The following SNPH variants were observed in gnomAD, a reference collection of about 807,000 sequenced individuals.
The protein encoded by SNPH is syntaphilin.
Under a neutral mutation model 36.8 loss-of-function variants are expected in SNPH, and 10 were observed. The ratio of observed to expected loss-of-function variants is 0.27; its 90% CI spans 0.17 to 0.46. SNPH has a LOEUF of 0.46. SNPH is among the 20% of genes least tolerant of loss of function. SNPH has a pLI of 1.00. For synonymous variants in SNPH, 281 were observed against 312.2 expected (o/e 0.90, Z 1.05); for missense variants, 622 against 744.0 (o/e 0.84, Z 1.91).
At chr20:1,281,145 C>T (rs879795693) in intron 2 of SNPH, among the ~76,000 whole-genome samples, 1 of 152,216 alleles carries the variant, frequency 6.6e-6, no homozygotes, top group Middle Eastern at 3.2e-3. Context: ...CAATTCTTCC[C>T]TTTCCGTCAT....
In SNPH at chr20:1,306,127, C is replaced by T. The variant is rs1164355874; in HGVS notation, c.*73C>T. The T allele has an allele frequency of 6.0e-6, 7 of 1,174,466 alleles. No individual in the cohort carries two copies. Among genetic ancestry groups the T allele is most frequent in the Non-Finnish European group, 7.9e-6 (7 of 880,930 alleles). 72.8% of individuals were successfully genotyped at this position (1,174,466 alleles called of 1,614,324 possible). On this transcript the variant is annotated 3_prime_UTR_variant, in exon 7 of 7. Transcript: ENST00000381867. ...GGGATGCCGTTCCCCCCTCCCTTCT[C>T]CCATGGGCATCATCTTATTTATTTA...
rs1327432021 is a variant in SNPH at position 1,266,831 on chromosome 20, C to G, written c.-493+71C>G. On this transcript the variant is annotated intron_variant, in intron 2 of 6. Coordinates refer to ENST00000381867, the MANE Select transcript of SNPH (RefSeq NM_001318234.2). This position sits in a 1 kb window ranked among gnomAD's most constrained non-coding sequence, Gnocchi z 6.0. ...GCGGCAGGTGGGGGCCGCTTGCAAC[C>G]GCTCGCTGCGGTAGAATCCCTTGGA... The G allele has an allele frequency of 1.2e-5, 16 of 1,303,410 alleles. No homozygotes were observed. The highest frequency in any genetic ancestry group is 1.5e-5 in the Non-Finnish European group (15 of 1,026,396). 80.7% of individuals were successfully genotyped at this position (1,303,410 alleles called of 1,614,324 possible).
At chr20:1,288,856 A>G (rs1309430521) in intron 2 of SNPH, among the ~76,000 whole-genome samples, 1 of 152,040 alleles carries the variant, frequency 6.6e-6, no homozygotes, top group Non-Finnish European at 1.5e-5. Context: ...TCCTGACCTC[A>G]GGTGATCCGC....
chr20:1,284,258 G>A (rs544266268), intron 2 of SNPH, among the ~76,000 whole-genome samples: 40 of 152,278 alleles, frequency 2.6e-4, no homozygotes, highest in Middle Eastern at 3.4e-3. Flanking sequence ...GTACCACAAA[G>A]CTTTCTTCCC....
intron 2 of SNPH, among the ~76,000 whole-genome samples, chr20:1,268,550 C>T (rs2088034828): frequency 6.6e-6 from 1 of 152,140 alleles, no homozygotes; most frequent in African/African-American, 2.4e-5. Context: ...GGAGGTTCTC[C>T]ATAGGGTTGG....
intron 2 of SNPH, among the ~76,000 whole-genome samples, chr20:1,270,780 C>T (rs2088063940): frequency 6.6e-6 from 1 of 152,340 alleles, no homozygotes; most frequent in East Asian, 1.9e-4. Flanking sequence ...AGGCATCCCA[C>T]CTGTCTGGAG....
intron 2 of SNPH, among the ~76,000 whole-genome samples, chr20:1,279,972 G>C (rs1445252615): frequency 2.0e-5 from 3 of 152,192 alleles, no homozygotes; most frequent in Non-Finnish European, 4.4e-5. Context: ...CAGCAAGGGC[G>C]AGGAGCGTGT....
chr20:1,297,324 G>A, intron 5 of SNPH, 72 bp downstream of exon 5: 2 of 1,477,344 alleles, frequency 1.4e-6, no homozygotes, highest in South Asian at 1.2e-5. Flanking sequence ...GGAGAGGTAA[G>A]GGAGCAGGGT....
intron 2 of SNPH, among the ~76,000 whole-genome samples, chr20:1,277,840 T>C (rs565041953): frequency 4.6e-4 from 68 of 147,930 alleles, no homozygotes; most frequent in Admixed American, 9.4e-4. Context: ...TCTGTGTGTG[T>C]CAGTGTGTGT....
chr20:1,292,927 G>A (rs1202020614), intron 2 of SNPH, among the ~76,000 whole-genome samples: 1 of 152,218 alleles, frequency 6.6e-6, no homozygotes, highest in Non-Finnish European at 1.5e-5. Context: ...TGGCTTGAAT[G>A]TGTTTCTGTT....
At chr20:1,301,658 CAAAAT>C in intron 6 of SNPH, among the ~76,000 whole-genome samples, 1 of 148,680 alleles carries the variant, frequency 6.7e-6, no homozygotes, top group African/African-American at 2.5e-5. Context: ...TCTATCACCT[CAAAAT>C]AAACCCCATT....
intron 2 of SNPH, among the ~76,000 whole-genome samples, chr20:1,280,508 A>G (rs6074381): frequency 0.21 from 32,185 of 152,206 alleles, 3,764 homozygotes; most frequent in Middle Eastern, 0.34. Context: ...TGAGGCTGAC[A>G]AGGCAGAGGT....
intron 2 of SNPH, among the ~76,000 whole-genome samples, chr20:1,286,924 A>G (rs986653272): frequency 7.2e-5 from 11 of 152,108 alleles, no homozygotes; most frequent in Admixed American, 2.0e-4. Context: ...TGTGTGTTCC[A>G]TGTGTTCTTC....
At position 1,305,692 on chromosome 20, in the gene SNPH, G is replaced by A; in HGVS notation, c.1255G>A (p.Ala419Thr). 6.2e-7 allele frequency: 1 copy of A among 1,610,026 alleles called. No homozygotes were observed. The highest frequency in any genetic ancestry group is 8.5e-7 in the Non-Finnish European group (1 of 1,178,068). ...VVVTVGDELE[A>T]PEPITRGPTP... is the part of the protein sequence containing the mutation. ...GGTGACAGTGGGTGATGAGCTAGAG[G>A]CCCCAGAGCCCATCACCCGTGGACC... The change falls in exon 7 of 7, where the codon GCC becomes ACC. Residue 419 changes from alanine to threonine, a missense_variant. Physicochemically the swap from Ala to Thr is moderately conservative, Grantham distance 58. Around this residue, in one of 3 missense-constraint regions of SNPH, gnomAD observed 379 missense variants for 427.9 expected, o/e 0.89. Coordinates refer to ENST00000381867, the MANE Select transcript of SNPH (RefSeq NM_001318234.2).
At chr20:1,268,028 A>G (rs1477188688) in intron 2 of SNPH, among the ~76,000 whole-genome samples, 1 of 152,238 alleles carries the variant, frequency 6.6e-6, no homozygotes, top group African/African-American at 2.4e-5. Flanking sequence ...GAAGAGAGGA[A>G]GAGGTGACTG....
In SNPH at chr20:1,304,753, G is replaced by A. The variant is rs2088545102; in HGVS notation, c.441-125G>A. ...GCATTGAGTTTGTCCTTCTGTTTTG[G>A]GTTCTGAGCCACAGCAGCACAGGGC... On this transcript the variant is annotated intron_variant, in intron 6 of 6. Coordinates refer to ENST00000381867, the MANE Select transcript of SNPH (RefSeq NM_001318234.2). The surrounding 1 kb of genome is among the most constrained non-coding windows in gnomAD (Gnocchi z 4.3). 1 of 831,546 alleles carries A rather than the reference G, an allele frequency of 1.2e-6. No individual in the cohort carries two copies. Among genetic ancestry groups the A allele is most frequent in the Admixed American group, 2.5e-5 (1 of 39,538 alleles). The allele number at this position is 831,546 out of a possible 1,614,324, so 51.5% of individuals were successfully genotyped here.
At position 1,266,449 on chromosome 20, in the gene SNPH, C is replaced by T; in HGVS notation, c.-600+52C>T. The stretch of plus-strand genomic sequence containing the variant: ...CGGGCCCACCGCCCAGCTGCACCCG[C>T]CGCAGTCCAGAGTGCCGAGTGCCAG... On this transcript the variant is annotated intron_variant, in intron 1 of 6. Transcript: ENST00000381867. The surrounding 1 kb of genome is among the most constrained non-coding windows in gnomAD (Gnocchi z 6.0). 3.1e-6 allele frequency: 2 copies of T among 643,228 alleles called. No homozygotes were observed. Among genetic ancestry groups the T allele is most frequent in the Non-Finnish European group, 4.7e-6 (2 of 423,640 alleles). The allele number at this position is 643,228 out of a possible 1,614,324, so 39.8% of individuals were successfully genotyped here.
intron 6 of SNPH, among the ~76,000 whole-genome samples, chr20:1,303,371 GGA>G (rs1273621952): frequency 6.6e-6 from 1 of 152,264 alleles, no homozygotes; most frequent in Non-Finnish European, 1.5e-5. Context: ...TGGGCCCCAA[GGA>G]GAGAGAGGCA....
Position 1,297,170 on chromosome 20 carries a change from C to A in SNPH, c.208C>A (p.Arg70=), listed in dbSNP as rs772414070. 9 of 1,613,372 alleles carry A rather than the reference C, an allele frequency of 5.6e-6. No homozygotes were observed. The Admixed American group carries it at 1.5e-4, about 27-fold the overall frequency. Residue 70 remains arginine, a synonymous_variant, in exon 5 of 7, where the codon CGG becomes AGG. Transcript: ENST00000381867. ...GCGCACCTCTCCACCTGTGAGCGTG[C>A]GGGATGCCTACGGCACCTCTTCGCT... is the stretch of plus-strand genomic sequence containing the variant. The part of the protein sequence containing the change: ...RRRTSPPVSV[R]DAYGTSSLSS...
Sources: allele counts gnomAD v4.1 joint callset (sites outside exome capture counted in the v4.1 genomes callset), GRCh38; gene constraint gnomAD v4.1.1; regional missense constraint gnomAD v4.1.1; non-coding constraint Gnocchi (gnomAD v3.1); transcripts MANE v1.5; gene names NCBI Gene and HGNC (gene_info 2026-07-23, HGNC 2026-07-21).